Variants in MTERF4 observed in about 807,000 individuals in gnomAD.
MTERF4 encodes the protein mitochondrial transcription termination factor 4.
MTERF4 carries 17 observed loss-of-function variants against 22.5 expected under a neutral mutation model. The observed-to-expected ratio is 0.75, with a 90% CI of 0.52 to 1.13. The LOEUF (loss-of-function observed/expected upper bound fraction) is 1.13, where lower values mean the gene tolerates loss of function less well. Among genes scored for constraint, MTERF4 ranks in the 50% most tolerant of loss-of-function variants. The probability of loss-of-function intolerance (pLI) is 0.00; values close to 1 mark genes in which losing one functional copy is unlikely to be tolerated. For missense variants in MTERF4, 420 were observed against 466.8 expected (o/e 0.90, Z 0.92); for synonymous variants, 165 against 175.3 (o/e 0.94, Z 0.47).
the MTERF4 span, among the ~76,000 whole-genome samples, chr2:241,058,817 G>T: frequency 8.5e-5 from 13 of 152,258 alleles, no homozygotes; most frequent in African/African-American, 2.6e-4. Context: ...GGGCGAGGTG[G>T]CGGGCGCCTG....
downstream of MTERF4, chr2:241,094,457 T>C: frequency 2.1e-6 from 1 of 469,064 alleles, no homozygotes; most frequent in Middle Eastern, 3.3e-4. The surrounding 1 kb of genome is among the most constrained non-coding windows in gnomAD (Gnocchi z 4.3). Flanking sequence ...AGCACCTAGA[T>C]TTCAGTGCTG....
intron 4 of MTERF4, among the ~76,000 whole-genome samples, chr2:241,078,210 C>T (rs1162862259): frequency 6.6e-6 from 1 of 151,588 alleles, no homozygotes; most frequent in Admixed American, 6.6e-5. Flanking sequence ...CGGTGAAACC[C>T]CGTCTCTACT....
chr2:241,069,161 C>T (rs144733338), downstream of MTERF4: 1,262 of 623,336 alleles, frequency 2.0e-3, 14 homozygotes, highest in African/African-American at 0.021. This position sits in a 1 kb window ranked among gnomAD's most constrained non-coding sequence, Gnocchi z 4.9. Context: ...ATGTCTCTTC[C>T]GCTGGGGCCA....
At chr2:241,048,539 CGT>C in the MTERF4 span, 1 of 1,489,812 alleles carries the variant, frequency 6.7e-7, no homozygotes, top group Non-Finnish European at 9.1e-7. Context: ...CGAAAAGAAA[CGT>C]GTGAGTGCGC....
chr2:241,090,319 A>G (rs1472500665), downstream of MTERF4: 6 of 1,549,866 alleles, frequency 3.9e-6, no homozygotes, highest in Middle Eastern at 1.7e-4. Flanking sequence ...CCACTTCCAC[A>G]TCGTGTCCCA....
exon 5 of MTERF4, chr2:241,074,022 TC>T (rs2125257951): frequency 6.5e-6 from 1 of 152,982 alleles, no homozygotes. Context: ...CTGGTTCTAA[TC>T]CTTTGGGGCT....
chr2:241,087,415 AC>A, downstream of MTERF4: 1 of 1,603,310 alleles, frequency 6.2e-7, no homozygotes, highest in African/African-American at 1.3e-5. Context: ...TACCGAGTTC[AC>A]CAAGACATCT....
the MTERF4 span, among the ~76,000 whole-genome samples, chr2:241,054,294 A>G: frequency 6.6e-6 from 1 of 152,232 alleles, no homozygotes; most frequent in Non-Finnish European, 1.5e-5. Context: ...GCCTCAGAAA[A>G]CAATAATAAA....
downstream of MTERF4, chr2:241,090,042 G>C: frequency 6.5e-7 from 1 of 1,542,886 alleles, no homozygotes; most frequent in Non-Finnish European, 8.7e-7. Flanking sequence ...TAATAAATTA[G>C]TCCTGCAATA....
downstream of MTERF4, chr2:241,090,036 A>AAATT (rs1559322639): frequency 3.2e-6 from 5 of 1,545,518 alleles, no homozygotes; most frequent in Non-Finnish European, 3.5e-6. Flanking sequence ...GCACAATAAT[A>AAATT]AATTAGTCCT....
chr2:241,053,271 C>T, the MTERF4 span: 36 of 1,603,274 alleles, frequency 2.2e-5, no homozygotes, highest in Admixed American at 5.0e-4. Context: ...GCGCCCCCAG[C>T]CGCATCCGGG....
chr2:241,063,428 T>G, the MTERF4 span: 10 of 630,646 alleles, frequency 1.6e-5, no homozygotes, highest in Non-Finnish European at 2.0e-5. Flanking sequence ...CGAGGAGGGG[T>G]GGGTTTGGGG....
chr2:241,088,468 C>T (rs987099857), downstream of MTERF4: 30 of 1,327,974 alleles, frequency 2.3e-5, no homozygotes, highest in Admixed American at 4.7e-4. Flanking sequence ...GACTGCCCAG[C>T]CCCGGGATCT....
chr2:241,068,542 T>C (rs2062563663), downstream of MTERF4, among the ~76,000 whole-genome samples: 1 of 151,852 alleles, frequency 6.6e-6, no homozygotes, highest in South Asian at 2.1e-4. The surrounding 1 kb of genome is among the most constrained non-coding windows in gnomAD (Gnocchi z 5.3). Context: ...TGGCCTCACG[T>C]TGTCCTGTGG....
chr2:241,065,621 C>G, the MTERF4 span: 1 of 1,601,556 alleles, frequency 6.2e-7, no homozygotes, highest in East Asian at 2.2e-5. Flanking sequence ...CCTGGCCGTC[C>G]CTGCCCAGCC....
At chr2:241,066,728 C>T in the MTERF4 span, among the ~76,000 whole-genome samples, 9 of 152,286 alleles carry the variant, frequency 5.9e-5, no homozygotes, top group East Asian at 1.2e-3. Context: ...CTATGGGTAG[C>T]ATGGCGGGTA....
In MTERF4 at chr2:241,073,156, C is replaced by A. The variant is rs577664746; in HGVS notation, n.3006G>T. ...GGCCACGCAGGGAGCCTGGTCCCCA[C>A]CAGGGACATCCGTGCTCCCTGAGAT... On this transcript the variant is annotated non_coding_transcript_exon_variant, in exon 5 of 5. Coordinates refer to the MTERF4 transcript ENST00000464344. This position sits in a 1 kb window ranked among gnomAD's most constrained non-coding sequence, Gnocchi z 6.6. 1 of 770,714 alleles carries A rather than the reference C, an allele frequency of 1.3e-6. No homozygotes were observed. Among genetic ancestry groups the A allele is most frequent in the East Asian group, 2.7e-5 (1 of 36,888 alleles). 47.7% of individuals were successfully genotyped at this position (770,714 alleles called of 1,614,324 possible).
Position 241,096,452 on chromosome 2 carries a change from A to G in MTERF4, c.706-14T>C, listed in dbSNP as rs1575186403. 6.2e-7 allele frequency: 1 copy of G among 1,613,182 alleles called. No individual in the cohort carries two copies. Among genetic ancestry groups the G allele is most frequent in the Non-Finnish European group, 8.5e-7 (1 of 1,179,414 alleles). On this transcript the variant is annotated splice_polypyrimidine_tract_variant and intron_variant, in intron 3 of 3. Coordinates refer to ENST00000391980, the MANE Select transcript of MTERF4 (RefSeq NM_182501.4). This position sits in a 1 kb window ranked among gnomAD's most constrained non-coding sequence, Gnocchi z 5.1. ...GAAGTATGCATACTGGAAGACACAA[A>G]CACACTTAGGAGTCCCAGATACAGA...
chr2:241,065,463 A>G, the MTERF4 span: 26 of 1,612,904 alleles, frequency 1.6e-5, no homozygotes, highest in African/African-American at 2.4e-4. Flanking sequence ...CTTTGTGGAC[A>G]GGACCCGCTC....
Sources: gnomAD v4.1 joint callset for allele counts (sites outside exome capture counted in the v4.1 genomes callset) on GRCh38, gnomAD v4.1.1 for gene constraint, Gnocchi (gnomAD v3.1) non-coding constraint, MANE v1.5 for transcripts, NCBI Gene and HGNC (gene_info 2026-07-23, HGNC 2026-07-21) for gene names.